Variants in PTPN13 observed in about 807,000 individuals in gnomAD.
The protein encoded by PTPN13 is tyrosine-protein phosphatase non-receptor type 13.
PTPN13 carries 191 observed loss-of-function variants against 284.0 expected under a neutral mutation model. The ratio of observed to expected loss-of-function variants is 0.67; its 90% CI spans 0.60 to 0.76. The LOEUF (loss-of-function observed/expected upper bound fraction) is 0.76, where lower values mean the gene tolerates loss of function less well. PTPN13 is among the 30% of genes least tolerant of loss of function. The pLI, the probability that PTPN13 is intolerant of heterozygous loss-of-function variation, is 0.00. For missense variants in PTPN13, 2,797 were observed against 2,939.9 expected, an observed-to-expected ratio of 0.95 and a Z score of 1.12; for synonymous variants, 986 against 1,022.3, an observed-to-expected ratio of 0.96 and a Z score of 0.68.
At chr4:86,761,324 TACTTA>T (rs772736754) in intron 23 of PTPN13, among the ~76,000 whole-genome samples, 5 of 151,950 alleles carry the variant, frequency 3.3e-5, no homozygotes, top group Admixed American at 6.6e-5. Flanking sequence ...TATCAAAACT[TACTTA>T]ACTTTTCTTC....
rs1397062369 is a variant in PTPN13 at position 86,636,919 on chromosome 4, G to C, written c.115+1548G>C. Among the ~76,000 whole-genome samples the C allele has an allele frequency of 2.0e-5, 3 of 151,598 alleles. No individual in the cohort carries two copies. In the East Asian group the frequency reaches 5.8e-4, roughly 29 times the overall value. On this transcript the variant is annotated intron_variant, in intron 2 of 47. Coordinates refer to ENST00000411767, the MANE Select transcript of PTPN13 (RefSeq NM_080683.3). ...GTTTTTTGAAAGGATCAACAAAATT[G>C]ATAGACCGCTAGCAAGACTAATAAA...
chr4:86,743,635 G>A (rs974774082), intron 16 of PTPN13, among the ~76,000 whole-genome samples: 2 of 151,968 alleles, frequency 1.3e-5, no homozygotes, highest in African/African-American at 4.8e-5. Flanking sequence ...GCTTTCATTG[G>A]CAACAATATC....
In PTPN13 at chr4:86,785,277, T is replaced by G. The variant is rs1173497390; in HGVS notation, c.6165T>G (p.Ala2055=). 2.5e-6 allele frequency: 4 copies of G among 1,596,270 alleles called. No homozygotes were observed. In the South Asian group the frequency reaches 3.3e-5, roughly 13 times the overall value. Residue 2055 remains alanine, a synonymous_variant, in exon 39 of 48, where the codon GCT becomes GCG. Coordinates refer to ENST00000411767, the MANE Select transcript of PTPN13 (RefSeq NM_080683.3). ...ACATTTATGATGATTCCCAAGAAGCTGAAGTTATCCAGTCTCTGCTGGATG... is the reference window on the plus strand; with the variant it reads ...ACATTTATGATGATTCCCAAGAAGCGGAAGTTATCCAGTCTCTGCTGGATG... ...EDDIYDDSQE[A]EVIQSLLDVV...
rs1257266870 is a variant in PTPN13 at position 86,686,092 on chromosome 4, TG to T, written c.295-615del. Among the ~76,000 whole-genome samples, 3 of 152,068 alleles carry T rather than the reference TG, an allele frequency of 2.0e-5. No individual in the cohort carries two copies. In the East Asian group the frequency reaches 5.8e-4, roughly 30 times the overall value. On this transcript the variant is annotated intron_variant, in intron 3 of 47. Coordinates refer to ENST00000411767, the MANE Select transcript of PTPN13 (RefSeq NM_080683.3). ...AATGCAAGGTGCCTGCCAGGCGCAG[TG>T]GGTCACGCCTATAATCCCAGCACTT...
intron 5 of PTPN13, among the ~76,000 whole-genome samples, chr4:86,691,717 C>T (rs1370164846): frequency 6.6e-6 from 1 of 152,174 alleles, no homozygotes; most frequent in Non-Finnish European, 1.5e-5. Flanking sequence ...CACATAGTCA[C>T]AGATACGGTA....
chr4:86,733,676 A>C (rs1578525725), intron 12 of PTPN13, among the ~76,000 whole-genome samples: 1 of 152,158 alleles, frequency 6.6e-6, no homozygotes, highest in Admixed American at 6.5e-5. Flanking sequence ...TATTGTCTAC[A>C]TGAAGCTGAT....
chr4:86,722,736 A>T (rs1733808129), intron 10 of PTPN13, among the ~76,000 whole-genome samples: 1 of 152,210 alleles, frequency 6.6e-6, no homozygotes, highest in Non-Finnish European at 1.5e-5. Flanking sequence ...ATTGTGGGGG[A>T]TTATTTTTTC....
At chr4:86,758,646 T>G (rs1353018304) in intron 21 of PTPN13, 32 bp from the exon 22 acceptor site, 1 of 1,561,384 alleles carries the variant, frequency 6.4e-7, no homozygotes, top group Admixed American at 1.7e-5. Flanking sequence ...AGCAGCAATA[T>G]GAAAATCTTT....
Position 86,766,501 on chromosome 4 carries a change from T to TGA in PTPN13, c.4316_4317dup (p.Asn1440GlufsTer11). 1 of 1,607,900 alleles carries TGA rather than the reference T, an allele frequency of 6.2e-7. No individual in the cohort carries two copies. Among genetic ancestry groups the TGA allele is most frequent in the Non-Finnish European group, 8.5e-7 (1 of 1,177,706 alleles). ...ACCCATAAGCAAGCTGTGGAAACACTGAGAAATACAGGACAGGTAACAGAT... is the reference window on the plus strand; with the variant it reads ...ACCCATAAGCAAGCTGTGGAAACACTGAGAGAAATACAGGACAGGTAACAGAT... On this transcript the variant is annotated frameshift_variant, in exon 27 of 48. Transcript: ENST00000411767. LOFTEE classifies it high-confidence loss of function.
Position 86,751,074 on chromosome 4 carries a change from A to G in PTPN13, c.3116A>G (p.His1039Arg), listed in dbSNP as rs767646180. The change falls in exon 19 of 48, where the codon CAT becomes CGT. Residue 1039 changes from histidine to arginine, a missense_variant. By Grantham distance (29) the His-to-Arg change is conservative. Coordinates refer to ENST00000411767, the MANE Select transcript of PTPN13 (RefSeq NM_080683.3). ...AATAGAAGTCCTGAAAGGAGGAAAC[A>G]TGAATCAGACTCCTCATCCATTGAA... ...SLNRSPERRK[H>R]ESDSSSIEDP... 28 of 1,610,590 alleles carry G rather than the reference A, an allele frequency of 1.7e-5. No homozygotes were observed. Among genetic ancestry groups the G allele is most frequent in the Non-Finnish European group, 2.1e-5 (25 of 1,177,058 alleles).
chr4:86,648,988 AT>A (rs1020479668), intron 2 of PTPN13, among the ~76,000 whole-genome samples: 1 of 152,100 alleles, frequency 6.6e-6, no homozygotes, highest in African/African-American at 2.4e-5. Flanking sequence ...GATTTTGAGC[AT>A]TTTTTATATA....
chr4:86,676,096 A>C (rs1728247495), intron 3 of PTPN13, among the ~76,000 whole-genome samples: 1 of 152,186 alleles, frequency 6.6e-6, no homozygotes, highest in South Asian at 2.1e-4. Context: ...AAACAACGAA[A>C]TGCCCTTAAT....
intron 1 of PTPN13, among the ~76,000 whole-genome samples, chr4:86,623,721 G>A (rs1232167302): frequency 6.6e-6 from 1 of 152,164 alleles, no homozygotes; most frequent in Non-Finnish European, 1.5e-5. Flanking sequence ...TGCCCAGAAT[G>A]TTCTTTCCTA....
intron 6 of PTPN13, among the ~76,000 whole-genome samples, chr4:86,699,586 G>T (rs1232846543): frequency 6.6e-6 from 1 of 152,172 alleles, no homozygotes; most frequent in African/African-American, 2.4e-5. Flanking sequence ...TTAACATGTG[G>T]TGTTGCGTGT....
At position 86,766,437 on chromosome 4, in the gene PTPN13, C is replaced by T. The variant is rs757638920; in HGVS notation, c.4249C>T (p.Arg1417Cys). 24 of 1,603,558 alleles carry T rather than the reference C, an allele frequency of 1.5e-5. No homozygotes were observed. The highest frequency in any genetic ancestry group is 3.3e-4 in the Middle Eastern group (2 of 6,026). ...ESDGRIHKGD[R>C]VLAVNGVSLE... is the part of the protein sequence containing the mutation. Reference sequence around the variant, plus strand: ...TTGAACTGCCTAATTTTTAGGTGATCGCGTCCTAGCTGTCAATGGAGTTAG... The same window carrying T: ...TTGAACTGCCTAATTTTTAGGTGATTGCGTCCTAGCTGTCAATGGAGTTAG... The change falls in exon 27 of 48, where the codon CGC becomes TGC. Residue 1417 changes from arginine (R) to cysteine (C), a missense_variant. By Grantham distance (180) the Arg-to-Cys change is radical (BLOSUM62 -3). Coordinates refer to ENST00000411767, the MANE Select transcript of PTPN13 (RefSeq NM_080683.3).
At chr4:86,614,183 A>G (rs943318486) in intron 1 of PTPN13, among the ~76,000 whole-genome samples, 4 of 152,334 alleles carry the variant, frequency 2.6e-5, no homozygotes, top group African/African-American at 7.2e-5. Context: ...ATTTCTAGAC[A>G]AAGTGTTTAA....
intron 1 of PTPN13, among the ~76,000 whole-genome samples, chr4:86,600,507 T>A (rs148863691): frequency 4.7e-4 from 70 of 150,182 alleles, no homozygotes; most frequent in African/African-American, 1.6e-3. Context: ...GGAGTTATAT[T>A]GTTGAAAGAA....
chr4:86,621,179 C>G (rs1721196552), intron 1 of PTPN13, among the ~76,000 whole-genome samples: 1 of 152,186 alleles, frequency 6.6e-6, no homozygotes, highest in Non-Finnish European at 1.5e-5. Flanking sequence ...TGAATGTAGA[C>G]AAAAATCCTT....
At chr4:86,727,766 T>C (rs1734449342) in intron 10 of PTPN13, among the ~76,000 whole-genome samples, 2 of 149,534 alleles carry the variant, frequency 1.3e-5, no homozygotes, top group African/African-American at 4.9e-5. Context: ...AAAAACCAGC[T>C]CCTAAATTCA....
Sources: allele counts gnomAD v4.1 joint callset (sites outside exome capture counted in the v4.1 genomes callset), GRCh38; gene constraint gnomAD v4.1.1; transcripts MANE v1.5; gene names NCBI Gene and HGNC (gene_info 2026-07-23, HGNC 2026-07-21).